The following RGS4 variants were observed in gnomAD, a reference collection of about 807,000 sequenced individuals.
RGS4 encodes schizophrenia disorder 9.
Under a neutral mutation model 21.6 loss-of-function variants are expected in RGS4, and 15 were observed. The observed-to-expected ratio is 0.69, with a 90% CI of 0.46 to 1.07. RGS4 has a LOEUF of 1.07. RGS4 is among the 50% of genes least tolerant of loss of function. RGS4 has a pLI of 0.00. For synonymous variants in RGS4, 94 were observed against 85.5 expected (o/e 1.10, Z -0.55); for missense variants, 237 against 239.0 (o/e 0.99, Z 0.06).
Position 163,075,613 on chromosome 1 carries a change from G to A in RGS4, c.*1053G>A, listed in dbSNP as rs1255609974. ...TTACTGGCTGAGTGAGGGCATAGAA[G>A]TTAAAGGTTACTGTTTTTATCCTCT... On this transcript the variant is annotated 3_prime_UTR_variant, in exon 5 of 5. Transcript: ENST00000367909. 2 of 152,140 alleles carry A rather than the reference G, an allele frequency of 1.3e-5. No homozygotes were observed. The highest frequency in any genetic ancestry group is 2.4e-5 in the African/African-American group (1 of 41,428). 9.4% of individuals were successfully genotyped at this position (152,140 alleles called of 1,614,324 possible).
chr1:163,072,865 A>C lies in RGS4; in HGVS notation c.210A>C (p.Glu70Asp), dbSNP rs747602081. The C allele has an allele frequency of 6.2e-7, 1 of 1,612,620 alleles. No individual in the cohort carries two copies. The highest frequency in any genetic ancestry group is 2.2e-5 in the East Asian group (1 of 44,800). ...AESLENLISHECGLAAFKAFL... is the reference protein window; with the variant it reads ...AESLENLISHDCGLAAFKAFL... ...CACTGGAAAACCTGATTAGTCATGA[A>C]TGTAAGTCTGACAGCAACCTGGGAT... The change falls in exon 3 of 5, where the codon GAA becomes GAC. Residue 70 changes from glutamate (E) to aspartate (D), a missense_variant and splice_region_variant. Physicochemically the swap from Glu to Asp is conservative, Grantham distance 45. Transcript: ENST00000367909.
Position 163,076,511 on chromosome 1 carries a change from T to C in RGS4, c.*1951T>C, listed in dbSNP as rs1026242362. On this transcript the variant is annotated 3_prime_UTR_variant, in exon 5 of 5. Transcript: ENST00000367909. ...ATTATAATTGTCATGACTTTCAGAT[T>C]GTATCTGAACTCACAGACTGCTGTC... 1.3e-5 allele frequency: 2 copies of C among 152,616 alleles called. No homozygotes were observed. Among genetic ancestry groups the C allele is most frequent in the Admixed American group, 1.3e-4 (2 of 15,266 alleles). The allele number at this position is 152,616 out of a possible 1,614,324, so 9.5% of individuals were successfully genotyped here. A position where few individuals can be genotyped will look rare whatever the true frequency, so the allele number is the denominator to read the frequency against.
Position 163,072,875 on chromosome 1 carries a change from G to A in RGS4, c.211+9G>A. 6.2e-7 allele frequency: 1 copy of A among 1,611,244 alleles called. No individual in the cohort carries two copies. The highest frequency in any genetic ancestry group is 1.1e-5 in the South Asian group (1 of 90,940). On this transcript the variant is annotated intron_variant, in intron 3 of 4. Coordinates refer to ENST00000367909, the MANE Select transcript of RGS4 (RefSeq NM_005613.6). ...CCTGATTAGTCATGAATGTAAGTCTGACAGCAACCTGGGATGAGGTACTCT... is the reference window on the plus strand; with the variant it reads ...CCTGATTAGTCATGAATGTAAGTCTAACAGCAACCTGGGATGAGGTACTCT...
At chr1:163,071,532 A>G (rs1175825305) in intron 1 of RGS4, among the ~76,000 whole-genome samples, 1 of 151,768 alleles carries the variant, frequency 6.6e-6, no homozygotes, top group Non-Finnish European at 1.5e-5. Flanking sequence ...TTATTAAAAG[A>G]CCCCCTTTTT....
At position 163,074,496 on chromosome 1, in the gene RGS4, C is replaced by T; in HGVS notation, c.554C>T (p.Ala185Val). The T allele has an allele frequency of 6.2e-7, 1 of 1,613,918 alleles. No individual in the cohort carries two copies. Among genetic ancestry groups the T allele is most frequent in the Non-Finnish European group, 8.5e-7 (1 of 1,179,878 alleles). The change falls in exon 5 of 5, where the codon GCA becomes GTA. Residue 185 changes from alanine (A) to valine (V), a missense_variant. Transcript: ENST00000367909. Reference sequence around the variant, plus strand: ...TTGGTCAACCCGTCCAGCTGTGGGGCAGAAAAGCAGAAAGGAGCCAAGAGT... The same window carrying T: ...TTGGTCAACCCGTCCAGCTGTGGGGTAGAAAAGCAGAAAGGAGCCAAGAGT... ...LDLVNPSSCG[A>V]EKQKGAKSSA...
intron 4 of RGS4, 118 bp from the exon 5 acceptor site, chr1:163,074,203 G>A (rs1287520061): frequency 7.4e-7 from 1 of 1,356,442 alleles, no homozygotes; most frequent in Non-Finnish European, 1.0e-6. Flanking sequence ...TGTCACTTTT[G>A]TTTTTTGCTT....
Position 163,074,374 on chromosome 1 carries a change from T to C in RGS4, c.432T>C (p.Pro144=). Reference sequence around the variant, plus strand: ...AGACAAGCCGGAACATGCTAGAGCCTACAATAACCTGCTTTGATGAGGCCC... The same window carrying C: ...AGACAAGCCGGAACATGCTAGAGCCCACAATAACCTGCTTTGATGAGGCCC... ...REETSRNMLE[P]TITCFDEAQK... The change falls in exon 5 of 5, where the codon CCT becomes CCC. Residue 144 remains proline (P), a synonymous_variant. Coordinates refer to ENST00000367909, the MANE Select transcript of RGS4 (RefSeq NM_005613.6). 2 of 1,613,892 alleles carry C rather than the reference T, an allele frequency of 1.2e-6. No homozygotes were observed. The highest frequency in any genetic ancestry group is 1.7e-6 in the Non-Finnish European group (2 of 1,179,836).
At position 163,072,448 on chromosome 1, in the gene RGS4, G is replaced by A; in HGVS notation, c.98G>A (p.Cys33Tyr). ...TTCCTGCTGCAAAAATCTGATTCCT[G>A]TGAACACAATTCTTCCCACAACAAG... ...LGFLLQKSDS[C>Y]EHNSSHNKKD... The change falls in exon 2 of 5, where the codon TGT becomes TAT. Residue 33 changes from cysteine to tyrosine, a missense_variant. Cys to Tyr is a radical substitution (Grantham distance 194). Coordinates refer to ENST00000367909, the MANE Select transcript of RGS4 (RefSeq NM_005613.6). 1 of 1,613,226 alleles carries A rather than the reference G, an allele frequency of 6.2e-7. No homozygotes were observed. The highest frequency in any genetic ancestry group is 1.1e-5 in the South Asian group (1 of 91,064).
At chr1:163,068,932 AC>A (rs1655208681), upstream of RGS4, 3 of 1,584,580 alleles carry the variant, frequency 1.9e-6, no homozygotes, top group African/African-American at 4.0e-5. Context: ...CAGATCTTGG[AC>A]CATGTATAAT....
At chr1:163,069,941 A>T (rs568956380) in intron 1 of RGS4, among the ~76,000 whole-genome samples, 2 of 152,230 alleles carry the variant, frequency 1.3e-5, no homozygotes, top group South Asian at 4.2e-4. Context: ...TGTTTCAGGA[A>T]AGGTACCCCA....
In RGS4 at chr1:163,075,563, C is replaced by T. The variant is rs1655467023; in HGVS notation, c.*1003C>T. On this transcript the variant is annotated 3_prime_UTR_variant, in exon 5 of 5. Coordinates refer to ENST00000367909, the MANE Select transcript of RGS4 (RefSeq NM_005613.6). Reference sequence around the variant, plus strand: ...ACTTAATGAAGAAATACAGCTAAGGCCTTGCCAGCAACACCTGCCGTAAGT... The same window carrying T: ...ACTTAATGAAGAAATACAGCTAAGGTCTTGCCAGCAACACCTGCCGTAAGT... The T allele has an allele frequency of 6.6e-6, 1 of 152,092 alleles. No individual in the cohort carries two copies. The highest frequency in any genetic ancestry group is 2.4e-5 in the African/African-American group (1 of 41,392). The allele number at this position is 152,092 out of a possible 1,614,324, so 9.4% of individuals were successfully genotyped here. A position where few individuals can be genotyped will look rare whatever the true frequency, so the allele number is the denominator to read the frequency against.
intron 1 of RGS4, 104 bp from the exon 2 acceptor site, chr1:163,072,291 C>T (rs1655344558): frequency 1.0e-6 from 1 of 962,822 alleles, no homozygotes; most frequent in Admixed American, 2.6e-5. Context: ...CCTAAACTGT[C>T]TCTGAGCCAT....
chr1:163,070,018 C>T (rs1291422687), intron 1 of RGS4, among the ~76,000 whole-genome samples: 1 of 152,126 alleles, frequency 6.6e-6, no homozygotes, highest in African/African-American at 2.4e-5. Context: ...GTAACTTTCA[C>T]TCTCTATGTT....
Position 163,074,480 on chromosome 1 carries a change from C to G in RGS4, c.538C>G (p.Pro180Ala), listed in dbSNP as rs746114391. Reference protein sequence around the residue: ...KSRFYLDLVNPSSCGAEKQKG... With the variant: ...KSRFYLDLVNASSCGAEKQKG... ...TCGATTCTATCTTGATTTGGTCAAC[C>G]CGTCCAGCTGTGGGGCAGAAAAGCA... Residue 180 changes from proline to alanine, a missense_variant, in exon 5 of 5, where the codon CCG (proline) becomes GCG (alanine). Transcript: ENST00000367909. 1.9e-6 allele frequency: 3 copies of G among 1,613,916 alleles called. No homozygotes were observed. Among genetic ancestry groups the G allele is most frequent in the East Asian group, 2.2e-5 (1 of 44,868 alleles).
rs1655507159 is a variant in RGS4 at position 163,076,548 on chromosome 1, T to C, written c.*1988T>C. 1 of 152,606 alleles carries C rather than the reference T, an allele frequency of 6.6e-6. No individual in the cohort carries two copies. The highest frequency in any genetic ancestry group is 1.5e-5 in the Non-Finnish European group (1 of 68,022). 9.5% of individuals were successfully genotyped at this position (152,606 alleles called of 1,614,324 possible). Reference sequence around the variant, plus strand: ...CACAGACTGCTGTCTTACTAATAGGTCTGGAAGGTCACGCTGAATGAGAAG... The same window carrying C: ...CACAGACTGCTGTCTTACTAATAGGCCTGGAAGGTCACGCTGAATGAGAAG... On this transcript the variant is annotated 3_prime_UTR_variant, in exon 5 of 5. Transcript: ENST00000367909.
chr1:163,070,754 T>C (rs911570929), intron 1 of RGS4: 1 of 152,178 alleles, frequency 6.6e-6, no homozygotes, highest in Non-Finnish European at 1.5e-5. Context: ...AAGATAATAC[T>C]AGAGCTCTGT....
At chr1:163,073,084 C>T (rs1270094373) in intron 3 of RGS4, among the ~76,000 whole-genome samples, 1 of 152,150 alleles carries the variant, frequency 6.6e-6, no homozygotes, top group Non-Finnish European at 1.5e-5. Flanking sequence ...AAAACCATCT[C>T]TCTCATCACA....
At chr1:163,070,276 A>C (rs533412286) in intron 1 of RGS4, among the ~76,000 whole-genome samples, 1 of 152,298 alleles carries the variant, frequency 6.6e-6, no homozygotes, top group Admixed American at 6.5e-5. Context: ...TGTTCAAAAA[A>C]GGTATAAAGA....
Position 163,073,005 on chromosome 1 carries a change from T to A in RGS4, c.211+139T>A, listed in dbSNP as rs573753134. On this transcript the variant is annotated intron_variant, in intron 3 of 4. Coordinates refer to ENST00000367909, the MANE Select transcript of RGS4 (RefSeq NM_005613.6). ...GACTCTTTAGGTCTTAAATTCAGTC[T>A]GTTTAAAATTTTAATATGCCCTAGA... 84 of 673,088 alleles carry A rather than the reference T, an allele frequency of 1.2e-4. 1 individual carries two copies. The highest frequency in any genetic ancestry group is 1.0e-3 in the South Asian group (47 of 45,198). The allele number at this position is 673,088 out of a possible 1,614,324, so 41.7% of individuals were successfully genotyped here.
Sources: allele counts gnomAD v4.1 joint callset (sites outside exome capture counted in the v4.1 genomes callset), GRCh38; gene constraint gnomAD v4.1.1; transcripts MANE v1.5; gene names NCBI Gene and HGNC (gene_info 2026-07-23, HGNC 2026-07-21).